Variants in C10orf67 observed in about 807,000 individuals in gnomAD.
C10orf67 encodes chromosome 10 open reading frame 67.
Under a neutral mutation model 35.6 loss-of-function variants are expected in C10orf67, and 60 were observed. The observed-to-expected ratio is 1.68, with a 90% confidence interval of 1.37 to 2.09. The LOEUF (loss-of-function observed/expected upper bound fraction) is 2.09. C10orf67 is among the 30% of genes most tolerant of loss of function. C10orf67 has a pLI of 0.00. For missense variants in C10orf67, 474 were observed against 330.2 expected (o/e 1.44, Z -3.38); for synonymous variants, 167 against 115.8 (o/e 1.44, Z -2.84).
chr10:23,288,448 A>G (rs1336653167), intron 7 of C10orf67, among the ~76,000 whole-genome samples: 1 of 152,188 alleles, frequency 6.6e-6, no homozygotes, highest in South Asian at 2.1e-4. Flanking sequence ...ATTGGGGAAC[A>G]ACACACACCA....
intron 4 of C10orf67, among the ~76,000 whole-genome samples, chr10:23,319,529 G>T (rs943183442): frequency 1.3e-5 from 2 of 152,164 alleles, no homozygotes; most frequent in African/African-American, 4.8e-5. Flanking sequence ...AACCAGCAAA[G>T]GGATTGCTTG....
chr10:23,260,376 C>T (rs533576688), intron 10 of C10orf67, among the ~76,000 whole-genome samples: 1 of 151,640 alleles, frequency 6.6e-6, no homozygotes, highest in East Asian at 1.9e-4. Flanking sequence ...TGCCGGCAGA[C>T]CAAAAGGAAG....
chr10:23,288,013 G>A (rs947773911), intron 7 of C10orf67, among the ~76,000 whole-genome samples: 5 of 152,108 alleles, frequency 3.3e-5, no homozygotes, highest in Admixed American at 2.0e-4. Flanking sequence ...ACTTTTACAC[G>A]TTAGTGGGAA....
At chr10:23,248,929 C>T (rs1400568124) in intron 12 of C10orf67, among the ~76,000 whole-genome samples, 2 of 151,442 alleles carry the variant, frequency 1.3e-5, no homozygotes, top group Non-Finnish European at 2.9e-5. Context: ...AATAGAAAAT[C>T]AATTAGAAGT....
In C10orf67 at chr10:23,323,894, A is replaced by AAT. The variant is rs137983793; in HGVS notation, c.328-1359_328-1358dup. Among the ~76,000 whole-genome samples the AAT allele has an allele frequency of 3.5e-3, 148 of 42,676 alleles. 3 individuals are homozygous for AAT. The highest frequency in any genetic ancestry group is 6.0e-3 in the Non-Finnish European group (101 of 16,864). 28.0% of individuals were successfully genotyped at this position (42,676 alleles called of 152,430 possible). A position where few individuals can be genotyped will look rare whatever the true frequency, so the allele number is the denominator to read the frequency against. On this transcript the variant is annotated intron_variant, in intron 2 of 15. Coordinates refer to ENST00000636213, the MANE Select transcript of C10orf67 (RefSeq NM_001371909.1). ...GGGCAGCAGAGCAAGACTCCGTCTAAATATATATATATATATATATATATA... is the reference window on the plus strand; with the variant it reads ...GGGCAGCAGAGCAAGACTCCGTCTAAATATATATATATATATATATATATATA...
At chr10:23,261,627 T>C (rs528816823) in intron 10 of C10orf67, among the ~76,000 whole-genome samples, 62 of 152,288 alleles carry the variant, frequency 4.1e-4, no homozygotes, top group East Asian at 3.5e-3. Context: ...TAAAGATTTT[T>C]TTAAAGCCTA....
intron 5 of C10orf67, among the ~76,000 whole-genome samples, chr10:23,293,670 A>C (rs920817276): frequency 2.0e-5 from 3 of 152,240 alleles, no homozygotes; most frequent in Non-Finnish European, 4.4e-5. Flanking sequence ...CAAAATTGTA[A>C]AGAAACTTAC....
At chr10:23,240,826 A>G (rs1192295657) in intron 12 of C10orf67, among the ~76,000 whole-genome samples, 1 of 152,232 alleles carries the variant, frequency 6.6e-6, no homozygotes, top group Non-Finnish European at 1.5e-5. Context: ...CATCTAATGA[A>G]GTGACTTCCC....
intron 7 of C10orf67, among the ~76,000 whole-genome samples, chr10:23,286,295 A>T: frequency 6.9e-6 from 1 of 145,940 alleles, no homozygotes; most frequent in Non-Finnish European, 1.5e-5. Flanking sequence ...CTACTCTGGG[A>T]GCTGAGATGG....
chr10:23,264,176 C>A (rs1011981299), intron 10 of C10orf67, among the ~76,000 whole-genome samples: 1 of 151,770 alleles, frequency 6.6e-6, no homozygotes, highest in Non-Finnish European at 1.5e-5. Flanking sequence ...AAGAGAGGAG[C>A]GGGAAAATTA....
chr10:23,242,666 G>T (rs1842214122), intron 12 of C10orf67, among the ~76,000 whole-genome samples: 1 of 151,978 alleles, frequency 6.6e-6, no homozygotes, highest in Non-Finnish European at 1.5e-5. Flanking sequence ...AGAATACTTG[G>T]GAAATTGGTA....
At chr10:23,268,922 G>A (rs1405293896) in intron 8 of C10orf67, among the ~76,000 whole-genome samples, 2 of 152,198 alleles carry the variant, frequency 1.3e-5, no homozygotes, top group African/African-American at 4.8e-5. Flanking sequence ...AAAAGTTACA[G>A]TAGAAACATG....
intron 10 of C10orf67, among the ~76,000 whole-genome samples, chr10:23,251,514 C>T (rs1475776449): frequency 6.6e-6 from 1 of 152,164 alleles, no homozygotes; most frequent in Non-Finnish European, 1.5e-5. Flanking sequence ...GAATGAATCT[C>T]TAATAGCTGA....
intron 13 of C10orf67, among the ~76,000 whole-genome samples, chr10:23,233,412 C>T (rs900899165): frequency 6.6e-6 from 1 of 151,966 alleles, no homozygotes; most frequent in Non-Finnish European, 1.5e-5. Flanking sequence ...AATACTTCCT[C>T]CAGAACAAAA....
At chr10:23,271,788 T>A (rs1488005580) in intron 8 of C10orf67, among the ~76,000 whole-genome samples, 1 of 152,248 alleles carries the variant, frequency 6.6e-6, no homozygotes, top group Non-Finnish European at 1.5e-5. Flanking sequence ...TATTATTACA[T>A]TGTAAGAGTT....
At chr10:23,282,933 T>G (rs1843411013) in intron 7 of C10orf67, among the ~76,000 whole-genome samples, 2 of 148,546 alleles carry the variant, frequency 1.3e-5, no homozygotes, top group Non-Finnish European at 3.0e-5. Context: ...TAGTGAGGGG[T>G]GGGGTAATAG....
At chr10:23,320,887 A>G in intron 3 of C10orf67, 72 bp from the exon 4 acceptor site, 1 of 994,454 alleles carries the variant, frequency 1.0e-6, no homozygotes, top group Middle Eastern at 2.1e-4. Context: ...CTAGGGAGGG[A>G]CTCATAGTAA....
intron 4 of C10orf67, 58 bp downstream of exon 4, chr10:23,320,683 C>G: frequency 7.4e-7 from 1 of 1,344,240 alleles, no homozygotes; most frequent in Non-Finnish European, 1.0e-6. Flanking sequence ...CCACTCCTTG[C>G]ACACAGCAGC....
At chr10:23,330,886 G>A (rs1845419898) in intron 2 of C10orf67, among the ~76,000 whole-genome samples, 1 of 151,986 alleles carries the variant, frequency 6.6e-6, no homozygotes, top group South Asian at 2.1e-4. Flanking sequence ...CAACCTCACG[G>A]TTCAAACAGT....
Sources: gnomAD v4.1 joint callset for allele counts (sites outside exome capture counted in the v4.1 genomes callset) on GRCh38, gnomAD v4.1.1 for gene constraint, MANE v1.5 for transcripts, NCBI Gene and HGNC (gene_info 2026-07-23, HGNC 2026-07-21) for gene names.